CFAP74: variants seen among roughly 807,000 people sequenced by gnomAD.
The protein encoded by CFAP74 is cilia and flagella associated protein 74.
CFAP74 carries 124 observed loss-of-function variants against 188.9 expected under a neutral mutation model. That is an observed-to-expected ratio of 0.66 (90% confidence interval 0.57 to 0.76). The LOEUF (loss-of-function observed/expected upper bound fraction) is 0.76, where lower values mean the gene tolerates loss of function less well. Among genes scored for constraint, CFAP74 ranks in the 30% least tolerant of loss-of-function variants. CFAP74 has a pLI of 0.00. For missense variants in CFAP74, 2,198 were observed against 2,165.2 expected (o/e 1.02, Z -0.30); for synonymous variants, 956 against 916.7 (o/e 1.04, Z -0.77).
chr1:1,939,596 T>G lies in CFAP74; in HGVS notation c.2875A>C (p.Lys959Gln). 2 of 1,535,322 alleles carry G rather than the reference T, an allele frequency of 1.3e-6. No individual in the cohort carries two copies. The highest frequency in any genetic ancestry group is 1.7e-6 in the Non-Finnish European group (2 of 1,146,298). Residue 959 changes from lysine to glutamine, a missense_variant and splice_region_variant, in exon 24 of 39, where the codon AAG becomes CAG. Physicochemically the swap from Lys to Gln is moderately conservative, Grantham distance 53 (BLOSUM62 1). Transcript: ENST00000682832. The part of the protein sequence containing the change: ...PQEFGFVRLP[K>Q]FVDVQPNDGF... The stretch of plus-strand genomic sequence containing the variant: ...CCAGGCCTGGCTGCAGGAGGTACCT[T>G]GGGAAGCCTGACGAACCCGAACTCC...
chr1:1,927,499 A>G, intron 28 of CFAP74, 108 bp downstream of exon 28: 9 of 1,094,302 alleles, frequency 8.2e-6, no homozygotes, highest in Non-Finnish European at 1.1e-5. Context: ...TTCCAGCCAC[A>G]TGGGTCATTC....
At chr1:1,978,531 G>A (rs1656593228) in intron 6 of CFAP74, among the ~76,000 whole-genome samples, 1 of 152,314 alleles carries the variant, frequency 6.6e-6, no homozygotes, top group Non-Finnish European at 1.5e-5. Flanking sequence ...GTGGTCAGTC[G>A]CAGAGGTGAT....
At chr1:1,978,557 C>A (rs558100533) in intron 6 of CFAP74, among the ~76,000 whole-genome samples, 2 of 152,214 alleles carry the variant, frequency 1.3e-5, no homozygotes, top group African/African-American at 4.8e-5. Flanking sequence ...AGGTTGGAGG[C>A]TGGACAGATG....
chr1:1,949,065 T>A (rs1359837868), intron 18 of CFAP74, among the ~76,000 whole-genome samples: 1 of 118,046 alleles, frequency 8.5e-6, no homozygotes, highest in African/African-American at 3.4e-5. Context: ...CCTTCCTTCC[T>A]TCCTTTCCTT....
chr1:2,001,771 C>G (rs1167561799), intron 1 of CFAP74, among the ~76,000 whole-genome samples: 1 of 152,150 alleles, frequency 6.6e-6, no homozygotes, highest in Non-Finnish European at 1.5e-5. Context: ...AATGAACAGG[C>G]CACGGTGTCA....
At chr1:1,988,055 G>T in intron 4 of CFAP74, 1 of 466,082 alleles carries the variant, frequency 2.1e-6, no homozygotes, top group East Asian at 7.0e-5. Context: ...GCCATCCTCT[G>T]GCCTCAGCCT....
intron 1 of CFAP74, among the ~76,000 whole-genome samples, chr1:2,000,528 A>G (rs922444057): frequency 1.3e-5 from 2 of 152,100 alleles, no homozygotes; most frequent in Admixed American, 6.6e-5. Flanking sequence ...GGCTTCAACA[A>G]CAGAGTTGTC....
At chr1:1,976,038 A>G (rs1458227868) in intron 6 of CFAP74, among the ~76,000 whole-genome samples, 1 of 152,192 alleles carries the variant, frequency 6.6e-6, no homozygotes, top group Non-Finnish European at 1.5e-5. Context: ...TGGCCTATGA[A>G]AGCCTGTTCC....
chr1:1,925,636 C>T (rs764851333), intron 33 of CFAP74, 147 bp downstream of exon 33: 5 of 799,292 alleles, frequency 6.3e-6, no homozygotes, highest in South Asian at 3.7e-5. Flanking sequence ...GAGGCGGCAG[C>T]TGTGTAGAGG....
At chr1:1,972,790 C>A in intron 8 of CFAP74, 147 bp downstream of exon 8, 2 of 667,340 alleles carry the variant, frequency 3.0e-6, no homozygotes, top group Non-Finnish European at 5.3e-6. Context: ...AGCAGTGAGC[C>A]GAGATCGCGC....
chr1:1,956,439 A>C (rs1654633717), intron 17 of CFAP74, among the ~76,000 whole-genome samples, 181 bp downstream of exon 17: 2 of 152,174 alleles, frequency 1.3e-5, no homozygotes, highest in African/African-American at 4.8e-5. Context: ...AGGTGACTGC[A>C]GGTGTCCTAC....
chr1:1,981,424 A>G (rs1205573875), intron 6 of CFAP74, among the ~76,000 whole-genome samples: 2 of 151,602 alleles, frequency 1.3e-5, no homozygotes, highest in African/African-American at 2.4e-5. Context: ...GGGGGCACGC[A>G]GGACACCCAG....
chr1:1,933,469 C>A (rs558891094), intron 25 of CFAP74, among the ~76,000 whole-genome samples: 1 of 152,206 alleles, frequency 6.6e-6, no homozygotes. Context: ...CGTGAGCCAC[C>A]GCACCCGGCC....
At chr1:1,992,764 A>G (rs142889079) in intron 1 of CFAP74, among the ~76,000 whole-genome samples, 16,249 of 151,788 alleles carry the variant, frequency 0.11, 2,682 homozygotes, top group African/African-American at 0.35. Context: ...GTGAGCCACC[A>G]CGCCTGGCCC....
Position 1,955,743 on chromosome 1 carries a change from G to C in CFAP74, c.2124C>G (p.Ser708Arg). The change falls in exon 18 of 39, where the codon AGC becomes AGG. Residue 708 changes from serine (S) to arginine (R), a missense_variant. By Grantham distance (110) the Ser-to-Arg change is moderately radical. Coordinates refer to ENST00000682832, the MANE Select transcript of CFAP74 (RefSeq NM_001304360.2). ...TGTCCAGCTTCTCCAGCTCCTTCCG[G>C]CTCTGCATGTCCGCCTGGGAGGACT... ...GTESSQADMQ[S>R]RKELEKLDKE... The C allele has an allele frequency of 6.2e-7, 1 of 1,614,194 alleles. No homozygotes were observed. The highest frequency in any genetic ancestry group is 1.1e-5 in the South Asian group (1 of 91,086).
chr1:1,943,802 T>A (rs1570874843), intron 21 of CFAP74, among the ~76,000 whole-genome samples: 2 of 152,016 alleles, frequency 1.3e-5, no homozygotes, highest in Non-Finnish European at 2.9e-5. Context: ...GTCCTGGAGG[T>A]CAGAAGCCAA....
At chr1:1,999,304 C>T (rs1045799511) in intron 1 of CFAP74, among the ~76,000 whole-genome samples, 2 of 152,128 alleles carry the variant, frequency 1.3e-5, no homozygotes, top group Non-Finnish European at 2.9e-5. Flanking sequence ...GAACAGCAGC[C>T]ACGGAATGGA....
intron 1 of CFAP74, among the ~76,000 whole-genome samples, chr1:2,000,399 A>G (rs114470748): frequency 0.015 from 2,286 of 152,290 alleles, 49 homozygotes; most frequent in African/African-American, 0.052. Flanking sequence ...GGGGGAGATC[A>G]TCCTGCCTAT....
At chr1:1,934,213 T>C (rs1277038024) in intron 25 of CFAP74, among the ~76,000 whole-genome samples, 2 of 152,230 alleles carry the variant, frequency 1.3e-5, no homozygotes, top group Non-Finnish European at 2.9e-5. Flanking sequence ...AGTGTGTGTA[T>C]GTGTGAGTGT....
Sources: allele counts gnomAD v4.1 joint callset (sites outside exome capture counted in the v4.1 genomes callset), GRCh38; gene constraint gnomAD v4.1.1; transcripts MANE v1.5; gene names NCBI Gene and HGNC (gene_info 2026-07-23, HGNC 2026-07-21).